DCAF6: variants seen among roughly 807,000 people sequenced by gnomAD.
DCAF6 encodes the protein DDB1- and CUL4-associated factor 6.
In DCAF6, 54 loss-of-function variants were observed where a neutral mutation model predicts 125.1. The ratio of observed to expected loss-of-function variants is 0.43; its 90% CI spans 0.35 to 0.54. DCAF6 has a LOEUF of 0.54. Ranked by LOEUF, DCAF6 falls within the 20% of genes least tolerant of loss-of-function variation. The pLI is 0.01. For missense variants in DCAF6, 934 were observed against 1,161.7 expected, an observed-to-expected ratio of 0.80 and a Z score of 2.85; for synonymous variants, 371 against 390.4, an observed-to-expected ratio of 0.95 and a Z score of 0.58.
chr1:167,905,203 A>G, the DCAF6 span: 3 of 1,571,142 alleles, frequency 1.9e-6, no homozygotes, highest in Non-Finnish European at 2.6e-6. Context: ...GGTCTTCTAA[A>G]AAGAAAATTG....
chr1:167,936,263 G>T, upstream of DCAF6: 1 of 211,976 alleles, frequency 4.7e-6, no homozygotes, highest in East Asian at 1.4e-4. Flanking sequence ...TCGAGGCCAT[G>T]TTGGAGAAGG....
chr1:168,041,892 GCGCACACACACACACACACACA>G (rs1688582486), intron 13 of DCAF6, among the ~76,000 whole-genome samples: 2 of 119,754 alleles, frequency 1.7e-5, no homozygotes, highest in East Asian at 2.5e-4. Flanking sequence ...CATGTTTGTC[GCGCACACACACACACACACACA>G]CACACACACA....
intron 8 of DCAF6, 88 bp from the exon 9 acceptor site, chr1:168,003,782 T>G: frequency 8.1e-7 from 1 of 1,237,976 alleles, no homozygotes; most frequent in South Asian, 1.7e-5. Flanking sequence ...TATGCTTTCA[T>G]TTTAAAGCCC....
the DCAF6 span, among the ~76,000 whole-genome samples, chr1:167,871,398 G>C: frequency 1.3e-5 from 2 of 152,142 alleles, no homozygotes; most frequent in African/African-American, 4.8e-5. Flanking sequence ...ACATATGCTT[G>C]CTGTAGAAAA....
At chr1:167,989,628 A>G (rs1454344971) in intron 5 of DCAF6, among the ~76,000 whole-genome samples, 1 of 152,226 alleles carries the variant, frequency 6.6e-6, no homozygotes, top group Non-Finnish European at 1.5e-5. Flanking sequence ...CACGCCTGTA[A>G]TCCCAGCACT....
chr1:168,047,439 G>A (rs754540272), intron 16 of DCAF6, among the ~76,000 whole-genome samples: 3 of 151,968 alleles, frequency 2.0e-5, no homozygotes, highest in Non-Finnish European at 4.4e-5. Context: ...ACCACTCTGG[G>A]ATCACATTTA....
At chr1:168,004,437 T>C (rs1265887843) in intron 9 of DCAF6, 96 bp from the exon 10 acceptor site, 1 of 1,263,252 alleles carries the variant, frequency 7.9e-7, no homozygotes, top group African/African-American at 1.5e-5. Flanking sequence ...TATTTGTGTG[T>C]GTAAATATAA....
intron 11 of DCAF6, among the ~76,000 whole-genome samples, chr1:168,018,633 T>G (rs1685283595): frequency 6.6e-6 from 1 of 152,232 alleles, no homozygotes; most frequent in South Asian, 2.1e-4. Flanking sequence ...AAAATTAGAA[T>G]ATATCATTTA....
intron 1 of DCAF6, among the ~76,000 whole-genome samples, chr1:167,945,159 G>A (rs1201044468): frequency 6.6e-6 from 1 of 152,110 alleles, no homozygotes; most frequent in Non-Finnish European, 1.5e-5. Flanking sequence ...ATAATGTGAT[G>A]CCTCTAGCTT....
intron 7 of DCAF6, among the ~76,000 whole-genome samples, chr1:168,001,630 G>C (rs1682640698): frequency 6.6e-6 from 1 of 152,202 alleles, no homozygotes; most frequent in East Asian, 1.9e-4. Flanking sequence ...ATTTTATGAA[G>C]TTGAAATATT....
the DCAF6 span, among the ~76,000 whole-genome samples, chr1:167,881,829 T>C: frequency 6.6e-6 from 1 of 152,240 alleles, no homozygotes; most frequent in African/African-American, 2.4e-5. Flanking sequence ...TCTCTTAGAT[T>C]CTACACTCTT....
chr1:167,974,921 C>G lies in DCAF6; in HGVS notation c.344C>G (p.Ser115Cys), dbSNP rs1298672619. The G allele has an allele frequency of 6.2e-7, 1 of 1,609,156 alleles. No homozygotes were observed. Among genetic ancestry groups the G allele is most frequent in the Non-Finnish European group, 8.5e-7 (1 of 1,177,704 alleles). ...CTNDKQIVSCSGDGVIFYTNV... is the reference protein window; with the variant it reads ...CTNDKQIVSCCGDGVIFYTNV... ...AATGATAAACAGATTGTATCCTGCT[C>G]TGGAGATGGAGTAATATTTTATACC... The change falls in exon 4 of 22, where the codon TCT (serine) becomes TGT (cysteine). Residue 115 changes from serine to cysteine, a missense_variant. Coordinates refer to ENST00000367840, the MANE Select transcript of DCAF6 (RefSeq NM_001198956.2).
chr1:167,893,753 A>G, the DCAF6 span: 4 of 637,470 alleles, frequency 6.3e-6, no homozygotes, highest in Non-Finnish European at 1.1e-5. Flanking sequence ...ACATTTTACT[A>G]TTTACTAGTA....
At chr1:167,949,946 G>T (rs751758843) in intron 1 of DCAF6, among the ~76,000 whole-genome samples, 5 of 152,158 alleles carry the variant, frequency 3.3e-5, no homozygotes, top group African/African-American at 1.2e-4. Flanking sequence ...ATGTCTGGAC[G>T]ATGCAATAAA....
At chr1:168,037,147 C>A (rs551226835) in intron 12 of DCAF6, among the ~76,000 whole-genome samples, 28 of 144,148 alleles carry the variant, frequency 1.9e-4, no homozygotes, top group African/African-American at 7.2e-4. Flanking sequence ...CCAGACTCGA[C>A]TCGAACTCCT....
chr1:167,967,499 A>G (rs1557903658), intron 3 of DCAF6, among the ~76,000 whole-genome samples: 1 of 152,176 alleles, frequency 6.6e-6, no homozygotes, highest in Non-Finnish European at 1.5e-5. Context: ...ATAAAAAGAA[A>G]GTGTGTGATG....
upstream of DCAF6, among the ~76,000 whole-genome samples, chr1:167,932,031 A>G (rs1374741745): frequency 6.6e-6 from 1 of 152,212 alleles, no homozygotes; most frequent in Non-Finnish European, 1.5e-5. Flanking sequence ...AAGCACTGCA[A>G]CAAGTTTCAC....
At chr1:167,951,767 GATTT>G (rs1256207826) in intron 1 of DCAF6, 29 bp from the exon 2 acceptor site, 11 of 1,370,756 alleles carry the variant, frequency 8.0e-6, no homozygotes, top group African/African-American at 1.4e-5. Flanking sequence ...GTATTTGTGT[GATTT>G]ATTTAATTTG....
chr1:167,945,418 T>C (rs1015559381), intron 1 of DCAF6, among the ~76,000 whole-genome samples: 2 of 152,200 alleles, frequency 1.3e-5, no homozygotes, highest in African/African-American at 4.8e-5. Flanking sequence ...TAGTTCTCCT[T>C]GTAGGGATTT....
Sources: gnomAD v4.1 joint callset for allele counts (sites outside exome capture counted in the v4.1 genomes callset) on GRCh38, gnomAD v4.1.1 for gene constraint, MANE v1.5 for transcripts, NCBI Gene and HGNC (gene_info 2026-07-23, HGNC 2026-07-21) for gene names.